KYAT3: variants seen among roughly 807,000 people sequenced by gnomAD.
KYAT3 encodes kynurenine--oxoglutarate transaminase 3.
Under a neutral mutation model 59.0 loss-of-function variants are expected in KYAT3, and 50 were observed. The observed-to-expected ratio is 0.85, with a 90% CI of 0.68 to 1.07. KYAT3 has a LOEUF of 1.07. Ranked by LOEUF, KYAT3 falls within the 50% of genes least tolerant of loss-of-function variation. The pLI is 0.00. For missense variants in KYAT3, 497 were observed against 533.3 expected (o/e 0.93, Z 0.67); for synonymous variants, 148 against 177.0 (o/e 0.84, Z 1.30).
At chr1:88,969,110 C>T (rs965055403) in intron 3 of KYAT3, among the ~76,000 whole-genome samples, 2 of 152,200 alleles carry the variant, frequency 1.3e-5, no homozygotes, top group African/African-American at 4.8e-5. Flanking sequence ...CTTTCATCAA[C>T]TATTAGAGAA....
At chr1:88,954,860 C>G (rs889114290) in intron 9 of KYAT3, among the ~76,000 whole-genome samples, 10 of 152,208 alleles carry the variant, frequency 6.6e-5, no homozygotes, top group Admixed American at 6.5e-5. Context: ...TTCCTGAGCG[C>G]AAGTGATCCT....
At chr1:88,973,076 A>G (rs2101061659) in intron 2 of KYAT3, among the ~76,000 whole-genome samples, 1 of 152,310 alleles carries the variant, frequency 6.6e-6, no homozygotes, top group Non-Finnish European at 1.5e-5. Flanking sequence ...AAAAGGTGAG[A>G]TCTGGACATA....
At chr1:88,978,528 T>TG (rs1205436158) in intron 2 of KYAT3, among the ~76,000 whole-genome samples, 1 of 152,000 alleles carries the variant, frequency 6.6e-6, no homozygotes, top group African/African-American at 2.4e-5. Context: ...GACAGAGTCT[T>TG]GCTCTGTTGC....
At chr1:88,933,297 T>A (rs1284812128), downstream of KYAT3, among the ~76,000 whole-genome samples, 1 of 152,120 alleles carries the variant, frequency 6.6e-6, no homozygotes, top group Non-Finnish European at 1.5e-5. Context: ...TGTTCACTGA[T>A]GTAGTAAGTG....
chr1:88,983,048 T>G (rs775801077), intron 2 of KYAT3: 1 of 1,612,686 alleles, frequency 6.2e-7, no homozygotes, highest in African/African-American at 1.3e-5. Context: ...TCTATCGCCA[T>G]AGCCTCTTGA....
intron 2 of KYAT3, chr1:88,980,122 C>G (rs1477686214): frequency 1.3e-5 from 2 of 152,240 alleles, no homozygotes; most frequent in African/African-American, 4.8e-5. Flanking sequence ...ACAAAGCAAA[C>G]TAATATATGG....
chr1:88,935,544 A>T (rs1317384101), downstream of KYAT3, among the ~76,000 whole-genome samples: 2 of 152,202 alleles, frequency 1.3e-5, no homozygotes, highest in Non-Finnish European at 2.9e-5. Context: ...AGTGGAGGTG[A>T]ACATCACCAG....
chr1:88,967,554 T>C (rs1429046689), intron 4 of KYAT3, among the ~76,000 whole-genome samples: 3 of 152,112 alleles, frequency 2.0e-5, no homozygotes, highest in Non-Finnish European at 4.4e-5. Context: ...AGACTTTAAT[T>C]ACAAATTCAT....
chr1:88,921,128 C>T, the KYAT3 span, among the ~76,000 whole-genome samples: 1 of 152,198 alleles, frequency 6.6e-6, no homozygotes, highest in African/African-American at 2.4e-5. Context: ...GAGTTCCAGT[C>T]TCTTTTCATC....
chr1:88,962,036 AT>A, intron 6 of KYAT3, 22 bp downstream of exon 6: 1 of 1,563,986 alleles, frequency 6.4e-7, no homozygotes, highest in South Asian at 1.1e-5. Flanking sequence ...ACTTTGCCAT[AT>A]GAACCATACT....
intron 10 of KYAT3, 44 bp from the exon 11 acceptor site, chr1:88,949,321 G>A: frequency 7.5e-7 from 1 of 1,332,520 alleles, no homozygotes; most frequent in Non-Finnish European, 1.0e-6. Context: ...ATATGGCAAT[G>A]TTATTTATTG....
intron 2 of KYAT3, among the ~76,000 whole-genome samples, chr1:88,973,531 G>A (rs1676639449): frequency 6.6e-6 from 1 of 152,200 alleles, no homozygotes; most frequent in Non-Finnish European, 1.5e-5. Flanking sequence ...GTAAGGGAAT[G>A]TCTATAAGGC....
the KYAT3 span, among the ~76,000 whole-genome samples, chr1:88,924,457 CTG>C: frequency 1.3e-5 from 2 of 151,038 alleles, no homozygotes; most frequent in Non-Finnish European, 2.9e-5. Flanking sequence ...CCTCTTATAT[CTG>C]AAAAAAAAAA....
At chr1:88,933,260 G>A (rs1480675135), downstream of KYAT3, among the ~76,000 whole-genome samples, 1 of 152,158 alleles carries the variant, frequency 6.6e-6, no homozygotes, top group Admixed American at 6.6e-5. Flanking sequence ...TAGATGAAAA[G>A]CCTAGAGGAC....
chr1:88,974,463 C>T (rs61766150), intron 2 of KYAT3, among the ~76,000 whole-genome samples: 1 of 129,590 alleles, frequency 7.7e-6, no homozygotes, highest in East Asian at 2.2e-4. Context: ...ATTTTGGTGT[C>T]TCTCTCTTTT....
At chr1:88,957,349 C>T (rs57130616) in intron 8 of KYAT3, among the ~76,000 whole-genome samples, 4,783 of 152,172 alleles carry the variant, frequency 0.031, 219 homozygotes, top group African/African-American at 0.11. Flanking sequence ...GACACATGCC[C>T]CACTTTTCTA....
chr1:88,922,762 C>A, the KYAT3 span, among the ~76,000 whole-genome samples: 1 of 152,166 alleles, frequency 6.6e-6, no homozygotes, highest in East Asian at 1.9e-4. Context: ...TTTATTCTGA[C>A]CCTTCTTCCA....
chr1:88,977,527 C>T (rs752171974), intron 2 of KYAT3, among the ~76,000 whole-genome samples: 58 of 150,886 alleles, frequency 3.8e-4, no homozygotes, highest in Non-Finnish European at 6.6e-4. Flanking sequence ...TTAGTAGAGA[C>T]GAGGTTTCAC....
At chr1:88,991,910 T>G (rs1394528999) in intron 1 of KYAT3, among the ~76,000 whole-genome samples, 6 of 152,168 alleles carry the variant, frequency 3.9e-5, no homozygotes, top group Admixed American at 3.9e-4. Context: ...ACTGCCTTTC[T>G]GTTTTAACTA....
Sources: allele counts gnomAD v4.1 joint callset (sites outside exome capture counted in the v4.1 genomes callset), GRCh38; gene constraint gnomAD v4.1.1; transcripts MANE v1.5; gene names NCBI Gene and HGNC (gene_info 2026-07-23, HGNC 2026-07-21).